The following LIMK2 variants were observed in gnomAD, a reference collection of about 807,000 sequenced individuals.
LIMK2 encodes LIM domain kinase 2.
LIMK2 carries 35 observed loss-of-function variants against 75.7 expected under a neutral mutation model. That is an observed-to-expected ratio of 0.46 (90% confidence interval 0.35 to 0.61). The LOEUF (loss-of-function observed/expected upper bound fraction) is 0.61. Ranked by LOEUF, LIMK2 falls within the 20% of genes least tolerant of loss-of-function variation. The pLI is 0.00. For synonymous variants in LIMK2, 301 were observed against 319.2 expected, an observed-to-expected ratio of 0.94 and a Z score of 0.61; for missense variants, 623 against 831.0, an observed-to-expected ratio of 0.75 and a Z score of 3.08.
chr22:31,231,102 G>T (rs1056334680), intron 2 of LIMK2, among the ~76,000 whole-genome samples: 1 of 152,160 alleles, frequency 6.6e-6, no homozygotes, highest in Non-Finnish European at 1.5e-5. Context: ...CTTACTCCTT[G>T]CCTGCAAGAG....
chr22:31,250,871 A>C (rs2048718184), intron 2 of LIMK2, among the ~76,000 whole-genome samples: 1 of 152,176 alleles, frequency 6.6e-6, no homozygotes, highest in Non-Finnish European at 1.5e-5. Context: ...GAAACAAATT[A>C]AGTTCTTGAC....
At chr22:31,265,227 G>C (rs1250567292) in intron 7 of LIMK2, among the ~76,000 whole-genome samples, 1 of 145,948 alleles carries the variant, frequency 6.9e-6, no homozygotes, top group African/African-American at 2.5e-5. Context: ...TTAGCCGGGC[G>C]TGGTGGCGTG....
At chr22:31,216,476 G>A (rs1200743230) in intron 1 of LIMK2, among the ~76,000 whole-genome samples, 1 of 152,158 alleles carries the variant, frequency 6.6e-6, no homozygotes, top group Non-Finnish European at 1.5e-5. Flanking sequence ...AGGCACCGTA[G>A]GTTTAGAGAA....
intron 2 of LIMK2, among the ~76,000 whole-genome samples, chr22:31,236,174 A>G (rs554704405): frequency 3.3e-3 from 501 of 151,752 alleles, no homozygotes; most frequent in Non-Finnish European, 5.7e-3. Context: ...GGTGCCTGTA[A>G]TCCCAGCTAC....
chr22:31,231,972 A>C (rs951478623), intron 2 of LIMK2, among the ~76,000 whole-genome samples: 5 of 151,878 alleles, frequency 3.3e-5, no homozygotes, highest in Admixed American at 2.6e-4. Context: ...GTGCCACCAC[A>C]CCTTGCCATT....
intron 4 of LIMK2, 68 bp from the exon 5 acceptor site, chr22:31,259,821 G>GC (rs1214241591): frequency 7.2e-7 from 1 of 1,379,430 alleles, no homozygotes; most frequent in African/African-American, 1.5e-5. Flanking sequence ...GCCACATGGT[G>GC]CAGTGGTTGC....
In LIMK2 at chr22:31,272,679, C is replaced by G; in HGVS notation, c.1533C>G (p.Tyr511Ter). 3 of 1,611,106 alleles carry G rather than the reference C, an allele frequency of 1.9e-6. No homozygotes were observed. The highest frequency in any genetic ancestry group is 2.5e-6 in the Non-Finnish European group (3 of 1,178,738). ...KKRYTVVGNP[Y>*]WMAPEMLNGK... ...GCTACACGGTGGTGGGAAACCCCTACTGGATGGCCCCTGAGATGCTGAACG... is the reference window on the plus strand; with the variant it reads ...GCTACACGGTGGTGGGAAACCCCTAGTGGATGGCCCCTGAGATGCTGAACG... Residue 511 changes from tyrosine to a stop codon, truncating the protein, a stop_gained, in exon 13 of 16, where the codon TAC becomes TAG. Coordinates refer to ENST00000331728, the MANE Select transcript of LIMK2 (RefSeq NM_005569.4). LOFTEE classifies it high-confidence loss of function.
chr22:31,251,379 G>A (rs2048723990), intron 2 of LIMK2, among the ~76,000 whole-genome samples: 1 of 152,160 alleles, frequency 6.6e-6, no homozygotes, highest in African/African-American at 2.4e-5. Flanking sequence ...AGTAACCTTT[G>A]GCAGGTGCCT....
rs779254385 is a variant in LIMK2, at chr22:31,265,928, G to A, written c.855-18G>A. ...CTGAGGACTACACATCCCTACTCCC[G>A]TCTTTCCTCATCTTCAGGCGCAGTA... On this transcript the variant is annotated intron_variant, in intron 7 of 15. Transcript: ENST00000331728. The A allele has an allele frequency of 1.2e-5, 19 of 1,612,612 alleles. No homozygotes were observed. Among genetic ancestry groups the A allele is most frequent in the Middle Eastern group, 1.7e-4 (1 of 6,054 alleles).
intron 2 of LIMK2, among the ~76,000 whole-genome samples, chr22:31,246,183 G>GCGCACACA (rs746599250): frequency 5.6e-4 from 76 of 135,096 alleles, no homozygotes; most frequent in Admixed American, 2.8e-3. Context: ...ACGCACGCAC[G>GCGCACACA]CACACACACA....
At chr22:31,276,599 C>A (rs1320878993) in intron 15 of LIMK2, among the ~76,000 whole-genome samples, 1 of 146,284 alleles carries the variant, frequency 6.8e-6, no homozygotes, top group Non-Finnish European at 1.5e-5. Flanking sequence ...CGCCGCGGAG[C>A]CGGCGAGCTA....
At chr22:31,275,370 G>T (rs1410045197) in intron 15 of LIMK2, 62 bp downstream of exon 15, 9 of 1,565,928 alleles carry the variant, frequency 5.7e-6, no homozygotes, top group Non-Finnish European at 6.1e-6. Context: ...TCTGTCTAAG[G>T]CCACCCCTGA....
At chr22:31,269,773 CAAA>C (rs545628891) in intron 11 of LIMK2, among the ~76,000 whole-genome samples, 7 of 96,568 alleles carry the variant, frequency 7.2e-5, no homozygotes, top group Admixed American at 2.2e-4. Flanking sequence ...GACTTCATCT[CAAA>C]AAAAAAAAAA....
In LIMK2 at chr22:31,262,623, A is replaced by T; in HGVS notation, c.686A>T (p.Gln229Leu). ...GAGGATGCAATTAGCCAGACGAGCC[A>T]GACACTTCAGCTGTTGATTGAACAT... ...EVEDAISQTS[Q>L]TLQLLIEHDP... The change falls in exon 7 of 16, where the codon CAG (glutamine) becomes CTG (leucine). Residue 229 changes from glutamine to leucine, a missense_variant. Gln to Leu is a moderately radical substitution (Grantham distance 113). This residue lies in a region of LIMK2 where 514 missense variants were observed against 661.3 expected (regional missense o/e 0.78). Transcript: ENST00000331728. This position sits in a 1 kb window ranked among gnomAD's most constrained non-coding sequence, Gnocchi z 5.0. 1 of 1,613,780 alleles carries T rather than the reference A, an allele frequency of 6.2e-7. No homozygotes were observed. Among genetic ancestry groups the T allele is most frequent in the Non-Finnish European group, 8.5e-7 (1 of 1,179,804 alleles).
At chr22:31,221,153 T>A (rs2048430188) in intron 1 of LIMK2, among the ~76,000 whole-genome samples, 1 of 152,138 alleles carries the variant, frequency 6.6e-6, no homozygotes, top group African/African-American at 2.4e-5. Flanking sequence ...TGGGACCACA[T>A]TGTAAGGACC....
intron 2 of LIMK2, among the ~76,000 whole-genome samples, chr22:31,236,163 G>A (rs1021738144): frequency 5.9e-5 from 9 of 151,476 alleles, no homozygotes; most frequent in African/African-American, 1.5e-4. Context: ...GCATGATGGC[G>A]GGTGCCTGTA....
intron 12 of LIMK2, 86 bp downstream of exon 12, chr22:31,271,287 G>A: frequency 1.7e-6 from 2 of 1,146,792 alleles, no homozygotes; most frequent in Non-Finnish European, 2.7e-6. Context: ...TGTCCCCTCT[G>A]GCTAGAGGGC....
rs1208106481 is a variant in LIMK2 at position 31,278,687 on chromosome 22, G to GA, written c.*253dup. 4 of 357,844 alleles carry GA rather than the reference G, an allele frequency of 1.1e-5. No individual in the cohort carries two copies. The highest frequency in any genetic ancestry group is 6.3e-5 in the African/African-American group (3 of 47,752). The allele number at this position is 357,844 out of a possible 1,614,324, so 22.2% of individuals were successfully genotyped here. On this transcript the variant is annotated 3_prime_UTR_variant, in exon 16 of 16. Transcript: ENST00000331728. ...ATACTTGCCTGAAAGCTGTGAAGAA[G>GA]AAAAAAACCCCTGGCCTTTGGGCCA...
intron 2 of LIMK2, among the ~76,000 whole-genome samples, chr22:31,239,058 C>T (rs140077996): frequency 1.8e-4 from 28 of 152,310 alleles, no homozygotes; most frequent in African/African-American, 6.3e-4. Flanking sequence ...CAAATATCAG[C>T]TGTTAAAATG....
Sources: allele counts gnomAD v4.1 joint callset (sites outside exome capture counted in the v4.1 genomes callset), GRCh38; gene constraint gnomAD v4.1.1; regional missense constraint gnomAD v4.1.1; non-coding constraint Gnocchi (gnomAD v3.1); transcripts MANE v1.5; gene names NCBI Gene and HGNC (gene_info 2026-07-23, HGNC 2026-07-21).